KCNH3: variants seen among roughly 807,000 people sequenced by gnomAD.
KCNH3 encodes voltage-gated inwardly rectifying potassium channel KCNH3.
In KCNH3, 36 loss-of-function variants were observed where a neutral mutation model predicts 95.6. The ratio of observed to expected loss-of-function variants is 0.38; its 90% confidence interval spans 0.29 to 0.50. The LOEUF (loss-of-function observed/expected upper bound fraction) is 0.50. Among genes scored for constraint, KCNH3 ranks in the 20% least tolerant of loss-of-function variants. The pLI is 0.95. For synonymous variants in KCNH3, 620 were observed against 646.3 expected, an observed-to-expected ratio of 0.96 and a Z score of 0.62; for missense variants, 1,030 against 1,484.1, an observed-to-expected ratio of 0.69 and a Z score of 5.03.
In KCNH3 at chr12:49,554,486, C is replaced by T; in HGVS notation, c.2068C>T (p.Pro690Ser). 1 of 1,613,758 alleles carries T rather than the reference C, an allele frequency of 6.2e-7. No homozygotes were observed. The highest frequency in any genetic ancestry group is 1.1e-5 in the South Asian group (1 of 91,086). Residue 690 changes from proline to serine, a missense_variant, in exon 11 of 15, where the codon CCG (proline) becomes TCG (serine). Coordinates refer to ENST00000257981, the MANE Select transcript of KCNH3 (RefSeq NM_012284.3). ...CCTTGCGCTGTACCCCGAGTTTGCC[C>T]CGCGCTTCAGTCGTGGCCTCCGAGG... is the stretch of plus-strand genomic sequence containing the variant. Reference protein sequence around the residue: ...DSLALYPEFAPRFSRGLRGEL... With the variant: ...DSLALYPEFASRFSRGLRGEL...
chr12:49,541,742 C>G lies in KCNH3; in HGVS notation c.423C>G (p.Gly141=). 1 of 1,614,134 alleles carries G rather than the reference C, an allele frequency of 6.2e-7. No homozygotes were observed. The highest frequency in any genetic ancestry group is 1.1e-5 in the South Asian group (1 of 91,086). ...TCAGCGAAACCAAGAACCGAGGGGG[C>G]CCCGACAGATGGAAGGAGACAGGTA... The part of the protein sequence containing the change: ...KDISETKNRG[G]PDRWKETGGG... Residue 141 remains glycine (G), a synonymous_variant, in exon 3 of 15, where the codon GGC becomes GGG. Coordinates refer to ENST00000257981, the MANE Select transcript of KCNH3 (RefSeq NM_012284.3).
chr12:49,552,780 A>C (rs991593008), intron 10 of KCNH3, among the ~76,000 whole-genome samples: 5 of 152,182 alleles, frequency 3.3e-5, no homozygotes, highest in Non-Finnish European at 5.9e-5. Context: ...GACAAGAAGC[A>C]CGTGCTTATT....
intron 7 of KCNH3, chr12:49,546,340 C>T (rs1034600260): frequency 6.6e-6 from 1 of 152,148 alleles, no homozygotes; most frequent in African/African-American, 2.4e-5. Flanking sequence ...TCATCATCTC[C>T]TCTTTCTCCA....
At position 49,550,056 on chromosome 12, in the gene KCNH3, A is replaced by AC. The variant is rs770849711; in HGVS notation, c.1669-19dup. The AC allele has an allele frequency of 1.2e-5, 7 of 569,528 alleles. No individual in the cohort carries two copies. The African/African-American group carries it at 1.8e-4, about 14-fold the overall frequency. The allele number at this position is 569,528 out of a possible 1,614,324, so 35.3% of individuals were successfully genotyped here. A position where few individuals can be genotyped will look rare whatever the true frequency, so the allele number is the denominator to read the frequency against. ...CTCTTCTGCCACTCCCAACCCCCCC[A>AC]CCCCCGCACCTGCTCACCTGCAGCT... On this transcript the variant is annotated intron_variant, in intron 9 of 14. Transcript: ENST00000257981.
chr12:49,552,349 C>G (rs998839382), intron 10 of KCNH3, among the ~76,000 whole-genome samples: 5 of 152,188 alleles, frequency 3.3e-5, no homozygotes, highest in Non-Finnish European at 5.9e-5. Flanking sequence ...ACAGCCTGTG[C>G]CCTGGGCCTT....
rs768488579 is a variant in KCNH3 at position 49,554,329 on chromosome 12, C to G, written c.1919-8C>G. On this transcript the variant is annotated splice_polypyrimidine_tract_variant and splice_region_variant and intron_variant, in intron 10 of 14. Transcript: ENST00000257981. ...CAGGGCTTGCTGACCTCTACTTCCTCTCCCCAGGGAAGGGCGACCTGATCG... is the reference window on the plus strand; with the variant it reads ...CAGGGCTTGCTGACCTCTACTTCCTGTCCCCAGGGAAGGGCGACCTGATCG... The G allele has an allele frequency of 1.9e-6, 3 of 1,612,364 alleles. No homozygotes were observed. The highest frequency in any genetic ancestry group is 1.7e-6 in the Non-Finnish European group (2 of 1,179,194).
chr12:49,554,698 C>A lies in KCNH3; in HGVS notation c.2136+144C>A, dbSNP rs1938373370. ...CACCTTGGGCAGGGGTCTACACCCTCTCTGCCCTTCCACACTCATGTGCCC... is the reference window on the plus strand; with the variant it reads ...CACCTTGGGCAGGGGTCTACACCCTATCTGCCCTTCCACACTCATGTGCCC... On this transcript the variant is annotated intron_variant, in intron 11 of 14. Transcript: ENST00000257981. 15 of 704,250 alleles carry A rather than the reference C, an allele frequency of 2.1e-5. No individual in the cohort carries two copies. The South Asian group carries it at 2.6e-4, about 12-fold the overall frequency. The allele number at this position is 704,250 out of a possible 1,614,324, so 43.6% of individuals were successfully genotyped here.
At chr12:49,545,219 A>G (rs1445149086) in intron 7 of KCNH3, among the ~76,000 whole-genome samples, 1 of 151,300 alleles carries the variant, frequency 6.6e-6, no homozygotes, top group Non-Finnish European at 1.5e-5. Context: ...CGGCTATTCC[A>G]CTGACACCGA....
At position 49,539,388 on chromosome 12, in the gene KCNH3, G is replaced by C. The variant is rs768498939; in HGVS notation, c.-29G>C. On this transcript the variant is annotated 5_prime_UTR_variant, in exon 1 of 15. Transcript: ENST00000257981. This position sits in a 1 kb window ranked among gnomAD's most constrained non-coding sequence, Gnocchi z 6.7. ...GCGCGGAGTCCCCGCACCCCGGAGG[G>C]ATGGGGCGGGCAGCCGCGGGCGCCT... The C allele has an allele frequency of 2.7e-6, 4 of 1,504,334 alleles. No homozygotes were observed. The highest frequency in any genetic ancestry group is 2.1e-4 in the Middle Eastern group (1 of 4,872). The allele number at this position is 1,504,334 out of a possible 1,614,324, so 93.2% of individuals were successfully genotyped here.
Position 49,539,816 on chromosome 12 carries a change from G to A in KCNH3, c.76+324G>A, listed in dbSNP as rs1230945471. On this transcript the variant is annotated intron_variant, in intron 1 of 14. Transcript: ENST00000257981. This position sits in a 1 kb window ranked among gnomAD's most constrained non-coding sequence, Gnocchi z 6.7. ...TCCCACCCCTGCGTCTGGCGCTGTC[G>A]CAGCAACTACCCTCGGACTGGTGGG... Among the ~76,000 whole-genome samples the A allele has an allele frequency of 1.3e-5, 2 of 152,330 alleles. No individual in the cohort carries two copies. Among genetic ancestry groups the A allele is most frequent in the Admixed American group, 6.5e-5 (1 of 15,306 alleles).
intron 5 of KCNH3, 30 bp from the exon 6 acceptor site, chr12:49,543,885 A>G: frequency 1.3e-6 from 2 of 1,589,444 alleles, no homozygotes; most frequent in Middle Eastern, 1.7e-4. Flanking sequence ...CCCCAGCCCC[A>G]GTGCTGACTC....
chr12:49,546,109 G>C (rs894212334), intron 7 of KCNH3: 1 of 152,140 alleles, frequency 6.6e-6, no homozygotes. Context: ...TTGTGTCCAC[G>C]AGACTCCTCT....
In KCNH3 at chr12:49,557,371, G is replaced by A. The variant is rs1438660496; in HGVS notation, c.2670G>A (p.Glu890=). ...KLRQAVTELS[E]QVLQMREGLQ... ...CCCCAAAGGTGACAGAGCTGTCAGA[G>A]CAGGTGCTGCAGATGCGGGAAGGAC... Residue 890 remains glutamate (E), a synonymous_variant, in exon 15 of 15, where the codon GAG becomes GAA. Coordinates refer to ENST00000257981, the MANE Select transcript of KCNH3 (RefSeq NM_012284.3). The A allele has an allele frequency of 6.2e-7, 1 of 1,603,102 alleles. No homozygotes were observed. The highest frequency in any genetic ancestry group is 1.1e-5 in the South Asian group (1 of 90,228).
chr12:49,546,150 T>G (rs767502935), intron 7 of KCNH3: 10 of 152,090 alleles, frequency 6.6e-5, no homozygotes, highest in Non-Finnish European at 1.0e-4. Context: ...GTTGCTGATC[T>G]GACATTAAGA....
chr12:49,542,874 G>C, intron 4 of KCNH3, 35 bp downstream of exon 4: 1 of 1,596,746 alleles, frequency 6.3e-7, no homozygotes, highest in Non-Finnish European at 8.5e-7. Flanking sequence ...GGAGAGGGGA[G>C]GGGCAGACGC....
intron 7 of KCNH3, 108 bp downstream of exon 7, chr12:49,544,490 G>A (rs554077484): frequency 1.4e-4 from 158 of 1,101,798 alleles, no homozygotes; most frequent in East Asian, 1.3e-3. Context: ...AAGTCTGCAC[G>A]TGTGCAAATC....
In KCNH3 at chr12:49,541,061, G is replaced by A. The variant is rs759056953; in HGVS notation, c.239G>A (p.Arg80His). The A allele has an allele frequency of 1.9e-6, 3 of 1,612,962 alleles. No homozygotes were observed. The highest frequency in any genetic ancestry group is 8.5e-7 in the Non-Finnish European group (1 of 1,180,028). ...LYGPDTSELV[R>H]QQIRKALDEH... The stretch of plus-strand genomic sequence containing the variant: ...GGGCCAGACACCAGTGAGCTCGTCC[G>A]CCAACAGATCCGCAAGGCCCTGGAC... Residue 80 changes from arginine (R) to histidine (H), a missense_variant, in exon 2 of 15, where the codon CGC becomes CAC. Arg to His is a conservative substitution (Grantham distance 29). Transcript: ENST00000257981.
chr12:49,550,746 G>A (rs1387042097), intron 10 of KCNH3, among the ~76,000 whole-genome samples: 1 of 152,222 alleles, frequency 6.6e-6, no homozygotes, highest in Non-Finnish European at 1.5e-5. Flanking sequence ...ACTTTCCTGA[G>A]GCAGATCACA....
At chr12:49,554,239 GC>G in intron 10 of KCNH3, 97 bp from the exon 11 acceptor site, 1 of 953,930 alleles carries the variant, frequency 1.0e-6, no homozygotes, top group Non-Finnish European at 1.7e-6. Flanking sequence ...CAGAGGCCCA[GC>G]CCAGCTCTGA....
Sources: allele counts gnomAD v4.1 joint callset (sites outside exome capture counted in the v4.1 genomes callset), GRCh38; gene constraint gnomAD v4.1.1; non-coding constraint Gnocchi (gnomAD v3.1); transcripts MANE v1.5; gene names NCBI Gene and HGNC (gene_info 2026-07-23, HGNC 2026-07-21).